Variants in ZNF341 observed in about 807,000 individuals in gnomAD.
The protein encoded by ZNF341 is zinc finger protein 341.
In ZNF341, 52 loss-of-function variants were observed where a neutral mutation model predicts 87.7. That is an observed-to-expected ratio of 0.59 (90% confidence interval 0.47 to 0.75). The LOEUF (loss-of-function observed/expected upper bound fraction) is 0.75, where lower values mean the gene tolerates loss of function less well. Ranked by LOEUF, ZNF341 falls within the 30% of genes least tolerant of loss-of-function variation. The pLI is 0.00. For synonymous variants in ZNF341, 459 were observed against 472.7 expected (o/e 0.97, Z 0.38); for missense variants, 977 against 1,145.9 (o/e 0.85, Z 2.13).
rs6120366 is a variant in ZNF341 at position 33,762,029 on chromosome 20, G to T, written c.1196G>T (p.Ser399Ile). The part of the protein sequence containing the change: ...VTVQVMALNP[S>I]RQEDEESTGL... Reference sequence around the variant, plus strand: ...GTACAGGTCATGGCCCTGAACCCCAGCAGGCAGGAGGACGAGGAAAGCACA... The same window carrying T: ...GTACAGGTCATGGCCCTGAACCCCATCAGGCAGGAGGACGAGGAAAGCACA... The change falls in exon 8 of 15, where the codon AGC (serine) becomes ATC (isoleucine). Residue 399 changes from serine to isoleucine, a missense_variant. Transcript: ENST00000375200. The T allele has an allele frequency of 6.4e-7, 1 of 1,570,378 alleles. No individual in the cohort carries two copies. The highest frequency in any genetic ancestry group is 1.7e-5 in the Admixed American group (1 of 58,180).
chr20:33,790,504 G>A (rs1455353777), intron 14 of ZNF341, among the ~76,000 whole-genome samples: 1 of 152,160 alleles, frequency 6.6e-6, no homozygotes, highest in Non-Finnish European at 1.5e-5. Context: ...AATGTCTCTA[G>A]GCATTGCTGA....
chr20:33,733,301 C>T (rs1035691227), intron 1 of ZNF341, among the ~76,000 whole-genome samples: 1 of 151,784 alleles, frequency 6.6e-6, no homozygotes, highest in Non-Finnish European at 1.5e-5. Flanking sequence ...TCACTGCAAC[C>T]TCCGCTTCCC....
At chr20:33,771,039 G>A (rs112455627) in intron 10 of ZNF341, among the ~76,000 whole-genome samples, 21 of 151,958 alleles carry the variant, frequency 1.4e-4, no homozygotes, top group African/African-American at 4.1e-4. Flanking sequence ...GGAGAATGAC[G>A]TGAACCCGGG....
intron 12 of ZNF341, among the ~76,000 whole-genome samples, chr20:33,785,938 G>T (rs2122736386): frequency 7.0e-6 from 1 of 143,588 alleles, no homozygotes; most frequent in African/African-American, 2.6e-5. Flanking sequence ...CCCAGAAGTT[G>T]TTACCAACAG....
At chr20:33,733,017 G>A (rs771454377) in intron 1 of ZNF341, among the ~76,000 whole-genome samples, 5 of 152,148 alleles carry the variant, frequency 3.3e-5, no homozygotes, top group Non-Finnish European at 5.9e-5. Flanking sequence ...TTTGAGTCCT[G>A]CAGCTTCCTA....
intron 9 of ZNF341, among the ~76,000 whole-genome samples, chr20:33,767,747 CA>C (rs2019438918): frequency 1.3e-5 from 2 of 152,182 alleles, no homozygotes; most frequent in South Asian, 4.1e-4. Context: ...TATTATGCTA[CA>C]AATGATAGAA....
Position 33,762,010 on chromosome 20 carries a change from G to T in ZNF341, c.1177G>T (p.Val393Phe). 1 of 1,594,868 alleles carries T rather than the reference G, an allele frequency of 6.3e-7. No homozygotes were observed. Among genetic ancestry groups the T allele is most frequent in the Non-Finnish European group, 8.6e-7 (1 of 1,165,638 alleles). ...GTCTCGAAACTCTGTGACCGTACAGGTCATGGCCCTGAACCCCAGCAGGCA... is the reference window on the plus strand; with the variant it reads ...GTCTCGAAACTCTGTGACCGTACAGTTCATGGCCCTGAACCCCAGCAGGCA... ...TVSRNSVTVQ[V>F]MALNPSRQED... Residue 393 changes from valine (V) to phenylalanine (F), a missense_variant, in exon 8 of 15, where the codon GTC becomes TTC. By Grantham distance (50) the Val-to-Phe change is conservative. This residue lies in a region of ZNF341 where 515 missense variants were observed against 598.2 expected (regional missense o/e 0.86). Coordinates refer to ENST00000375200, the MANE Select transcript of ZNF341 (RefSeq NM_001282933.2).
At chr20:33,747,464 A>T (rs1442630371) in intron 3 of ZNF341, among the ~76,000 whole-genome samples, 1 of 143,600 alleles carries the variant, frequency 7.0e-6, no homozygotes, top group African/African-American at 2.9e-5. Context: ...AAATACAAAA[A>T]ATTAGCCGGG....
intron 10 of ZNF341, among the ~76,000 whole-genome samples, chr20:33,780,692 G>A (rs918638794): frequency 4.0e-5 from 6 of 151,232 alleles, no homozygotes; most frequent in Non-Finnish European, 8.8e-5. Flanking sequence ...TTACAGGTGT[G>A]AGTCACCACA....
chr20:33,746,724 C>T (rs1314376468), intron 3 of ZNF341, among the ~76,000 whole-genome samples: 1 of 152,126 alleles, frequency 6.6e-6, no homozygotes, highest in Admixed American at 6.6e-5. Flanking sequence ...GTAGCTTGAC[C>T]AGCATGTTGG....
chr20:33,791,599 T>C lies in ZNF341; in HGVS notation c.*82T>C. The stretch of plus-strand genomic sequence containing the variant: ...CCCCTGGGGGCAGACCGGTGATCCT[T>C]ACCAGTGGAAGCGAGCCATCGAGCC... On this transcript the variant is annotated 3_prime_UTR_variant, in exon 15 of 15. Transcript: ENST00000375200. The C allele has an allele frequency of 1.4e-6, 2 of 1,394,738 alleles. No individual in the cohort carries two copies. Among genetic ancestry groups the C allele is most frequent in the East Asian group, 2.5e-5 (1 of 40,120 alleles). The allele number at this position is 1,394,738 out of a possible 1,614,324, so 86.4% of individuals were successfully genotyped here.
chr20:33,752,209 G>C, intron 4 of ZNF341: 1 of 555,710 alleles, frequency 1.8e-6, no homozygotes, highest in Non-Finnish European at 3.5e-6. Context: ...TTTTGAAAGT[G>C]GTAACAGGTA....
chr20:33,779,036 A>G (rs2019684130), intron 10 of ZNF341, among the ~76,000 whole-genome samples: 1 of 152,064 alleles, frequency 6.6e-6, no homozygotes, highest in Non-Finnish European at 1.5e-5. Context: ...ATAAAGAAAT[A>G]CCTGAGACTG....
intron 8 of ZNF341, among the ~76,000 whole-genome samples, chr20:33,762,319 C>T (rs2019311534): frequency 6.9e-6 from 1 of 144,142 alleles, no homozygotes; most frequent in Non-Finnish European, 1.5e-5. Flanking sequence ...ACCTCAGAAT[C>T]TTTTTTTTTT....
intron 12 of ZNF341, among the ~76,000 whole-genome samples, chr20:33,786,253 C>T (rs1283454306): frequency 6.6e-6 from 1 of 152,074 alleles, no homozygotes; most frequent in Non-Finnish European, 1.5e-5. Flanking sequence ...ATCCCCCCGC[C>T]CCAGCCTCCC....
At chr20:33,759,771 A>G (rs2019254730) in intron 7 of ZNF341, among the ~76,000 whole-genome samples, 1 of 99,300 alleles carries the variant, frequency 1.0e-5, no homozygotes, top group Non-Finnish European at 2.0e-5. Flanking sequence ...AGAGAGAGAG[A>G]GGGAGAGAGA....
Position 33,745,272 on chromosome 20 carries a change from G to A in ZNF341, c.312G>A (p.Gln104=). ...YPPSAAPTAV[Q]QAPTPANRQI... is the part of the protein sequence containing the mutation. ...CTTCGGCAGCACCCACAGCGGTCCA[G>A]CAGGCCCCAACTCCTGCCAATCGCC... The change falls in exon 3 of 15, where the codon CAG becomes CAA. Residue 104 remains glutamine (Q), a synonymous_variant. Transcript: ENST00000375200. 2 of 1,613,600 alleles carry A rather than the reference G, an allele frequency of 1.2e-6. 1 individual carries two copies. The highest frequency in any genetic ancestry group is 2.2e-5 in the South Asian group (2 of 91,070).
At chr20:33,777,589 G>A (rs1308024948) in intron 10 of ZNF341, among the ~76,000 whole-genome samples, 3 of 150,716 alleles carry the variant, frequency 2.0e-5, no homozygotes, top group Admixed American at 1.3e-4. Context: ...AGCCGAGATC[G>A]GGCCACTGCA....
intron 1 of ZNF341, among the ~76,000 whole-genome samples, chr20:33,738,783 C>G (rs2018744867): frequency 6.6e-6 from 1 of 151,996 alleles, no homozygotes; most frequent in Admixed American, 6.6e-5. Context: ...AGAGACTGAT[C>G]GTGTGTAGCT....
Sources: allele counts gnomAD v4.1 joint callset (sites outside exome capture counted in the v4.1 genomes callset), GRCh38; gene constraint gnomAD v4.1.1; regional missense constraint gnomAD v4.1.1; transcripts MANE v1.5; gene names NCBI Gene and HGNC (gene_info 2026-07-23, HGNC 2026-07-21).